Variants in NECTIN1 observed in about 807,000 individuals in gnomAD.
The protein encoded by NECTIN1 is nectin cell adhesion molecule 1, also known as nectin-1.
A neutral mutation model predicts 48.0 loss-of-function variants in NECTIN1; 23 were observed. The observed-to-expected ratio is 0.48, with a 90% confidence interval of 0.34 to 0.68. NECTIN1 has a LOEUF of 0.68. NECTIN1 is among the 30% of genes least tolerant of loss of function. The probability of loss-of-function intolerance (pLI) is 0.01; values close to 1 mark genes in which losing one functional copy is unlikely to be tolerated. For missense variants in NECTIN1, 591 were observed against 709.9 expected, an observed-to-expected ratio of 0.83 and a Z score of 1.90; for synonymous variants, 270 against 288.9, an observed-to-expected ratio of 0.93 and a Z score of 0.66.
intron 1 of NECTIN1, among the ~76,000 whole-genome samples, chr11:119,722,776 AG>A (rs1314599411): frequency 1.3e-5 from 2 of 152,200 alleles, no homozygotes; most frequent in Non-Finnish European, 2.9e-5. Context: ...CTCTTTCTCA[AG>A]GGAACACGAG....
In NECTIN1 at chr11:119,644,612, G is replaced by A. The variant is rs997777036; in HGVS notation, c.1004-4600C>T. 4.6e-5 allele frequency among the ~76,000 whole-genome samples: 7 copies of A among 152,226 alleles called. No individual in the cohort carries two copies. In the East Asian group the frequency reaches 9.6e-4, roughly 21 times the overall value. On this transcript the variant is annotated intron_variant, in intron 5 of 7. Coordinates refer to the NECTIN1 transcript ENST00000341398. ...CCTGGCTAATGGAGGAGTCATACACGTATGCAAATAAGTATGCTATTTTGT... is the reference window on the plus strand; with the variant it reads ...CCTGGCTAATGGAGGAGTCATACACATATGCAAATAAGTATGCTATTTTGT...
At chr11:119,670,397 A>G (rs188869366) in intron 5 of NECTIN1, among the ~76,000 whole-genome samples, 20 of 152,360 alleles carry the variant, frequency 1.3e-4, no homozygotes, top group Admixed American at 3.3e-4. Context: ...CATGTGGTCA[A>G]TGTTCAAGAA....
chr11:119,719,166 ACT>A (rs1192001341), intron 1 of NECTIN1, among the ~76,000 whole-genome samples: 3 of 152,098 alleles, frequency 2.0e-5, no homozygotes, highest in Non-Finnish European at 2.9e-5. Context: ...CTGCGCCAAG[ACT>A]CTCTGAAGAT....
intron 1 of NECTIN1, among the ~76,000 whole-genome samples, chr11:119,721,862 C>T (rs1320738911): frequency 6.6e-6 from 1 of 152,244 alleles, no homozygotes. Context: ...CTCTATTCTA[C>T]ACCAACCTGG....
chr11:119,694,377 T>G (rs1430612312), intron 1 of NECTIN1, among the ~76,000 whole-genome samples: 1 of 152,026 alleles, frequency 6.6e-6, no homozygotes, highest in Non-Finnish European at 1.5e-5. Flanking sequence ...CCCATAGAAA[T>G]GTACTGTGGT....
intron 1 of NECTIN1, among the ~76,000 whole-genome samples, chr11:119,689,697 T>C (rs1865218884): frequency 6.6e-6 from 1 of 152,228 alleles, no homozygotes; most frequent in East Asian, 1.9e-4. Flanking sequence ...TGGGGGCCAC[T>C]GGAGCAACAT....
intron 1 of NECTIN1, among the ~76,000 whole-genome samples, chr11:119,699,833 A>T (rs1470452394): frequency 6.6e-6 from 1 of 152,130 alleles, no homozygotes; most frequent in African/African-American, 2.4e-5. Flanking sequence ...TCCTGACTCC[A>T]AGTGTAGTGT....
intron 1 of NECTIN1, among the ~76,000 whole-genome samples, chr11:119,717,221 C>T (rs1187217836): frequency 6.6e-6 from 1 of 152,230 alleles, no homozygotes; most frequent in African/African-American, 2.4e-5. Flanking sequence ...TCATCTGACC[C>T]CTGGGAGGGT....
At chr11:119,728,027 C>G (rs1865941698) in intron 1 of NECTIN1, among the ~76,000 whole-genome samples, 1 of 152,006 alleles carries the variant, frequency 6.6e-6, no homozygotes, top group African/African-American at 2.4e-5. Flanking sequence ...CCGAAAGAGA[C>G]GAAGCCCCCC....
chr11:119,717,196 T>A (rs1347029833), intron 1 of NECTIN1, among the ~76,000 whole-genome samples: 1 of 152,230 alleles, frequency 6.6e-6, no homozygotes, highest in African/African-American at 2.4e-5. Flanking sequence ...CCTTCAGGAC[T>A]GGCCACGAGG....
At position 119,678,450 on chromosome 11, in the gene NECTIN1, C is replaced by G; in HGVS notation, c.395G>C (p.Gly132Ala). Residue 132 changes from glycine to alanine, a missense_variant, in exon 2 of 6, where the codon GGC becomes GCC. Physicochemically the swap from Gly to Ala is moderately conservative, Grantham distance 60 (BLOSUM62 0). Transcript: ENST00000264025. The surrounding 1 kb of genome is among the most constrained non-coding windows in gnomAD (Gnocchi z 4.4). ...YICEFATFPT[G>A]NRESQLNLTV... Reference sequence around the variant, plus strand: ...GAGATTGAGCTGGCTTTCTCGATTGCCCGTAGGGAAGGTAGCAAACTCGCA... The same window carrying G: ...GAGATTGAGCTGGCTTTCTCGATTGGCCGTAGGGAAGGTAGCAAACTCGCA... The G allele has an allele frequency of 2.5e-6, 4 of 1,614,228 alleles. No individual in the cohort carries two copies. The highest frequency in any genetic ancestry group is 3.4e-6 in the Non-Finnish European group (4 of 1,180,030).
chr11:119,680,618 C>A (rs2135554144), intron 1 of NECTIN1, among the ~76,000 whole-genome samples: 1 of 152,362 alleles, frequency 6.6e-6, no homozygotes, highest in Non-Finnish European at 1.5e-5. Flanking sequence ...ACTGCAGTAT[C>A]CCTGGTGCTC....
At chr11:119,724,971 CCTCT>C (rs1372831988) in intron 1 of NECTIN1, among the ~76,000 whole-genome samples, 1 of 152,076 alleles carries the variant, frequency 6.6e-6, no homozygotes, top group Non-Finnish European at 1.5e-5. Context: ...TATGCTGACA[CCTCT>C]CTGTCTGTCC....
intron 5 of NECTIN1, among the ~76,000 whole-genome samples, chr11:119,670,190 C>T (rs953435856): frequency 7.2e-5 from 11 of 152,074 alleles, no homozygotes; most frequent in African/African-American, 2.7e-4. Flanking sequence ...ACACTCCTGA[C>T]CTCAGATGAT....
intron 1 of NECTIN1, among the ~76,000 whole-genome samples, chr11:119,712,290 C>A (rs1048742459): frequency 1.3e-5 from 2 of 149,016 alleles, no homozygotes; most frequent in African/African-American, 4.8e-5. Flanking sequence ...TCCTTCTCAG[C>A]CTCCAGGTTT....
chr11:119,651,587 G>A (rs916590556), intron 5 of NECTIN1, among the ~76,000 whole-genome samples: 4 of 151,962 alleles, frequency 2.6e-5, no homozygotes, highest in South Asian at 4.1e-4. Flanking sequence ...GAGCTCCTTC[G>A]CTTCTCTGCA....
At chr11:119,724,390 T>C (rs1481755652) in intron 1 of NECTIN1, among the ~76,000 whole-genome samples, 1 of 151,918 alleles carries the variant, frequency 6.6e-6, no homozygotes, top group East Asian at 1.9e-4. Context: ...GTGGTCAAGG[T>C]CTTCAGCATC....
In NECTIN1 at chr11:119,677,808, C is replaced by G. The variant is rs145986556; in HGVS notation, c.480G>C (p.Lys160Asn). The G allele has an allele frequency of 6.2e-7, 1 of 1,614,058 alleles. No homozygotes were observed. The highest frequency in any genetic ancestry group is 8.5e-7 in the Non-Finnish European group (1 of 1,180,032). The change falls in exon 3 of 6, where the codon AAG (lysine) becomes AAC (asparagine). Residue 160 changes from lysine to asparagine, a missense_variant. Transcript: ENST00000264025. The surrounding 1 kb of genome is among the most constrained non-coding windows in gnomAD (Gnocchi z 5.4). The part of the protein sequence containing the change: ...IEGTQAVLRA[K>N]KGQDDKVLVA... ...CCAGGACCTTGTCATCCTGCCCCTT[C>G]TTGGCTCGAAGCACTGCCTGGGTAC...
Position 119,678,068 on chromosome 11 carries a change from T to C in NECTIN1, c.431-211A>G, listed in dbSNP as rs1390508189. ...TGTCCTCCCTGCCCTACTAGTCATA[T>C]CCCTGTCATCGAGCTTAGGCCTCCT... is the stretch of plus-strand genomic sequence containing the variant. On this transcript the variant is annotated intron_variant, in intron 2 of 5. Transcript: ENST00000264025. This position sits in a 1 kb window ranked among gnomAD's most constrained non-coding sequence, Gnocchi z 4.4. Among the ~76,000 whole-genome samples, 4 of 152,138 alleles carry C rather than the reference T, an allele frequency of 2.6e-5. No individual in the cohort carries two copies. The highest frequency in any genetic ancestry group is 5.9e-5 in the Non-Finnish European group (4 of 68,026).
Sources: gnomAD v4.1 joint callset for allele counts (sites outside exome capture counted in the v4.1 genomes callset) on GRCh38, gnomAD v4.1.1 for gene constraint, Gnocchi (gnomAD v3.1) non-coding constraint, MANE v1.5 for transcripts, NCBI Gene and HGNC (gene_info 2026-07-23, HGNC 2026-07-21) for gene names.